Variants in CALN1 observed in about 807,000 individuals in gnomAD.
CALN1 encodes calcium-binding protein 8.
Under a neutral mutation model 30.6 loss-of-function variants are expected in CALN1, and 17 were observed. That is an observed-to-expected ratio of 0.56 (90% CI 0.38 to 0.83). CALN1 has a LOEUF of 0.83. CALN1 is among the 40% of genes least tolerant of loss of function. The probability of loss-of-function intolerance (pLI) is 0.00; values close to 1 mark genes in which losing one functional copy is unlikely to be tolerated. For synonymous variants in CALN1, 156 were observed against 131.4 expected, an observed-to-expected ratio of 1.19 and a Z score of -1.28; for missense variants, 291 against 354.9, an observed-to-expected ratio of 0.82 and a Z score of 1.45.
intron 2 of CALN1, among the ~76,000 whole-genome samples, chr7:72,281,132 G>A (rs368456291): frequency 3.4e-5 from 5 of 149,238 alleles, no homozygotes; most frequent in Admixed American, 2.0e-4. Flanking sequence ...CAACAAGAGC[G>A]TCTAAAAAAA....
At chr7:71,855,649 C>T (rs1790904142) in intron 5 of CALN1, among the ~76,000 whole-genome samples, 1 of 152,138 alleles carries the variant, frequency 6.6e-6, no homozygotes, top group Admixed American at 6.5e-5. Flanking sequence ...CCCTCGTGGG[C>T]ACTCTCAGTC....
chr7:72,098,710 T>C (rs1806408208), intron 4 of CALN1, among the ~76,000 whole-genome samples: 1 of 150,142 alleles, frequency 6.7e-6, no homozygotes, highest in African/African-American at 2.5e-5. Context: ...ACCCTGCCTC[T>C]ATAAAAAATA....
chr7:72,416,820 C>T (rs1429964349), upstream of CALN1, among the ~76,000 whole-genome samples: 1 of 151,456 alleles, frequency 6.6e-6, no homozygotes, highest in Non-Finnish European at 1.5e-5. Flanking sequence ...ACCTCTCCTG[C>T]ATTAATGTCA....
intron 4 of CALN1, among the ~76,000 whole-genome samples, chr7:72,082,518 G>C (rs779160360): frequency 5.3e-5 from 8 of 152,190 alleles, no homozygotes; most frequent in Non-Finnish European, 7.3e-5. Context: ...AGAATGGAAG[G>C]AGACCTCCTG....
intron 5 of CALN1, among the ~76,000 whole-genome samples, chr7:71,840,385 T>C (rs1428371063): frequency 2.0e-5 from 3 of 148,794 alleles, no homozygotes; most frequent in Non-Finnish European, 1.5e-5. Flanking sequence ...CTTGGGAAGC[T>C]GAGTTGGGAG....
intron 5 of CALN1, among the ~76,000 whole-genome samples, chr7:71,847,750 A>AAAGAAGAAAGAAGAAAGAAGAAG (rs1790370257): frequency 4.0e-5 from 5 of 125,100 alleles, no homozygotes; most frequent in African/African-American, 1.4e-4. Flanking sequence ...AAAGAAGAAG[A>AAAGAAGAAAGAAGAAAGAAGAAG]AAGAAGAAAG....
At chr7:71,847,929 T>A (rs765408072) in intron 5 of CALN1, among the ~76,000 whole-genome samples, 10 of 152,132 alleles carry the variant, frequency 6.6e-5, no homozygotes, top group Non-Finnish European at 1.3e-4. Context: ...GTGCCTTTTT[T>A]CTTCTGCCAT....
chr7:71,901,797 C>A, intron 5 of CALN1, among the ~76,000 whole-genome samples: 1 of 151,902 alleles, frequency 6.6e-6, no homozygotes, highest in Non-Finnish European at 1.5e-5. Context: ...AATATAAGAC[C>A]CAAAACTATT....
chr7:72,366,869 T>C (rs980845105), intron 2 of CALN1, among the ~76,000 whole-genome samples: 13 of 150,840 alleles, frequency 8.6e-5, no homozygotes, highest in Non-Finnish European at 2.9e-5. Context: ...AGACATGCAC[T>C]AGAATATTTA....
chr7:72,076,812 A>T (rs912410988), intron 4 of CALN1, among the ~76,000 whole-genome samples: 1 of 152,072 alleles, frequency 6.6e-6, no homozygotes, highest in Non-Finnish European at 1.5e-5. Flanking sequence ...TGAGAAGGTT[A>T]CTGGATTGGG....
intron 6 of CALN1, among the ~76,000 whole-genome samples, chr7:71,798,615 CTT>C (rs34161533): frequency 1.3e-4 from 15 of 114,814 alleles, no homozygotes; most frequent in African/African-American, 1.1e-4. Context: ...TGGTAAGAGT[CTT>C]TTTTTTTTTT....
chr7:71,989,484 G>C (rs1798839616), intron 5 of CALN1, among the ~76,000 whole-genome samples: 1 of 151,806 alleles, frequency 6.6e-6, no homozygotes, highest in South Asian at 2.1e-4. Flanking sequence ...ATATCTGGGA[G>C]GAATTTCCAC....
intron 1 of CALN1, among the ~76,000 whole-genome samples, chr7:72,432,196 G>C (rs1562966491): frequency 6.6e-6 from 1 of 152,112 alleles, no homozygotes; most frequent in Non-Finnish European, 1.5e-5. Flanking sequence ...CATGAGACCT[G>C]ATGGTTCTAT....
intron 1 of CALN1, among the ~76,000 whole-genome samples, chr7:72,441,800 C>T (rs867628053): frequency 6.6e-6 from 1 of 151,890 alleles, no homozygotes; most frequent in East Asian, 1.9e-4. Context: ...CTCAGTTCGT[C>T]GTCTCTTCCA....
At chr7:72,403,205 G>A (rs1435950163) in intron 2 of CALN1, 46 bp downstream of exon 2, 6 of 1,472,768 alleles carry the variant, frequency 4.1e-6, no homozygotes, top group East Asian at 2.5e-5. Flanking sequence ...CTACCTGAGG[G>A]CTGCCAAACA....
intron 2 of CALN1, among the ~76,000 whole-genome samples, chr7:72,281,376 T>C (rs1400138696): frequency 6.6e-6 from 1 of 152,138 alleles, no homozygotes; most frequent in Non-Finnish European, 1.5e-5. Context: ...GACTGAGACA[T>C]CCATGGTCCA....
At chr7:72,441,679 A>C (rs1562970217) in intron 1 of CALN1, among the ~76,000 whole-genome samples, 1 of 151,820 alleles carries the variant, frequency 6.6e-6, no homozygotes, top group Non-Finnish European at 1.5e-5. Flanking sequence ...TAGAATGTAC[A>C]AACAGGGCGA....
chr7:72,281,364 C>A (rs932221936), intron 2 of CALN1, among the ~76,000 whole-genome samples: 1 of 152,166 alleles, frequency 6.6e-6, no homozygotes, highest in African/African-American at 2.4e-5. Flanking sequence ...CAGCACAAAA[C>A]AGACTGAGAC....
At chr7:71,823,607 A>G (rs891574375) in intron 5 of CALN1, among the ~76,000 whole-genome samples, 3 of 152,130 alleles carry the variant, frequency 2.0e-5, no homozygotes, top group African/African-American at 7.2e-5. Context: ...AGTCCCACCT[A>G]CTTGGGAGAC....
Sources: allele counts gnomAD v4.1 joint callset (sites outside exome capture counted in the v4.1 genomes callset), GRCh38; gene constraint gnomAD v4.1.1; transcripts MANE v1.5; gene names NCBI Gene and HGNC (gene_info 2026-07-23, HGNC 2026-07-21).